Variants in DACH1 observed in about 807,000 individuals in gnomAD.
The protein encoded by DACH1 is dachshund homolog 1.
In DACH1, 12 loss-of-function variants were observed where a neutral mutation model predicts 54.2. The observed-to-expected ratio is 0.22, with a 90% CI of 0.14 to 0.36. DACH1 has a LOEUF of 0.36. Ranked by LOEUF, DACH1 falls within the 10% of genes least tolerant of loss-of-function variation. DACH1 has a pLI of 1.00. For synonymous variants in DACH1, 386 were observed against 366.2 expected (o/e 1.05, Z -0.62); for missense variants, 805 against 929.8 (o/e 0.87, Z 1.75).
chr13:71,602,472 G>A (rs1409072611), intron 3 of DACH1, among the ~76,000 whole-genome samples: 8 of 151,768 alleles, frequency 5.3e-5, no homozygotes, highest in African/African-American at 1.5e-4. Context: ...TTTGCCTTCT[G>A]TTTCTCTAAT....
intron 1 of DACH1, among the ~76,000 whole-genome samples, chr13:71,852,991 C>T (rs1408774653): frequency 6.6e-6 from 1 of 152,128 alleles, no homozygotes; most frequent in Non-Finnish European, 1.5e-5. Context: ...ATACATATTT[C>T]CAAATGCATT....
rs371435851 is a variant in DACH1, at chr13:71,531,692, T to C, written c.1570+25332A>G. ...TACACATCTGTGGAGATGACATTAC[T>C]GGGAAATAGAAGTAAGATTTTTAAG... is the stretch of plus-strand genomic sequence containing the variant. On this transcript the variant is annotated intron_variant, in intron 6 of 10. Coordinates refer to ENST00000613252, the MANE Select transcript of DACH1 (RefSeq NM_080759.6). Among the ~76,000 whole-genome samples, 183 of 152,048 alleles carry C rather than the reference T, an allele frequency of 1.2e-3. 1 individual carries two copies. Among genetic ancestry groups the C allele is most frequent in the African/African-American group, 4.3e-3 (178 of 41,542 alleles).
At chr13:71,799,637 C>A (rs1887208016) in intron 1 of DACH1, among the ~76,000 whole-genome samples, 1 of 152,026 alleles carries the variant, frequency 6.6e-6, no homozygotes, top group African/African-American at 2.4e-5. Context: ...TCATTCGGCA[C>A]CCTGACTGGC....
At chr13:71,791,321 T>C (rs1299155415) in intron 1 of DACH1, among the ~76,000 whole-genome samples, 1 of 152,146 alleles carries the variant, frequency 6.6e-6, no homozygotes, top group Non-Finnish European at 1.5e-5. Flanking sequence ...ATTATTTTCT[T>C]GATAATTTAT....
intron 1 of DACH1, among the ~76,000 whole-genome samples, chr13:71,787,430 T>C (rs1027168641): frequency 5.3e-5 from 8 of 152,166 alleles, no homozygotes; most frequent in African/African-American, 1.9e-4. Flanking sequence ...GTTACACATA[T>C]TCCTTCTCTT....
At chr13:71,775,140 T>C (rs1886013071) in intron 1 of DACH1, among the ~76,000 whole-genome samples, 2 of 134,832 alleles carry the variant, frequency 1.5e-5, no homozygotes, top group African/African-American at 5.7e-5. Flanking sequence ...TTTTTTTTTT[T>C]TTTTTTTTTT....
chr13:71,628,571 TG>T (rs1296761918), intron 3 of DACH1, among the ~76,000 whole-genome samples: 1 of 152,078 alleles, frequency 6.6e-6, no homozygotes, highest in Admixed American at 6.6e-5. Flanking sequence ...TGGCGTTGGA[TG>T]GGGGGTGTCA....
At chr13:71,484,974 A>G (rs1218744765) in intron 7 of DACH1, among the ~76,000 whole-genome samples, 6 of 152,042 alleles carry the variant, frequency 3.9e-5, no homozygotes, top group Non-Finnish European at 7.4e-5. Flanking sequence ...AGGCAGGAGA[A>G]TCACTTGAGA....
At chr13:71,678,817 A>G (rs1880722133) in intron 2 of DACH1, among the ~76,000 whole-genome samples, 1 of 151,978 alleles carries the variant, frequency 6.6e-6, no homozygotes, top group Non-Finnish European at 1.5e-5. Flanking sequence ...GCCACCACAC[A>G]CAGCCAAATT....
chr13:71,464,464 C>A, intron 10 of DACH1: 1 of 313,564 alleles, frequency 3.2e-6, no homozygotes, highest in Non-Finnish European at 6.2e-6. Flanking sequence ...CAAACTTGTG[C>A]AATTTTTATT....
chr13:71,491,198 T>C (rs1359124519), intron 6 of DACH1, among the ~76,000 whole-genome samples: 1 of 152,172 alleles, frequency 6.6e-6, no homozygotes, highest in Admixed American at 6.6e-5. Context: ...ATGTGCTGGA[T>C]ACTGGAGATC....
chr13:71,786,085 A>G (rs2138079720), intron 1 of DACH1, among the ~76,000 whole-genome samples: 1 of 152,314 alleles, frequency 6.6e-6, no homozygotes, highest in East Asian at 1.9e-4. Context: ...AAAGGCGGGT[A>G]GAGAGCCCAA....
chr13:71,614,762 G>A (rs1362145354), intron 3 of DACH1, among the ~76,000 whole-genome samples: 1 of 150,626 alleles, frequency 6.6e-6, no homozygotes, highest in Non-Finnish European at 1.5e-5. Flanking sequence ...GCTAAGGCAG[G>A]AGGATTACTT....
Position 71,830,365 on chromosome 13 carries a change from G to A in DACH1, c.848+35557C>T, listed in dbSNP as rs566745353. On this transcript the variant is annotated intron_variant, in intron 1 of 10. Transcript: ENST00000613252. ...CAGAGCTTTTGTTCTTTCAGCCAAC[G>A]GAAGTTGTAGAAGTCACAAATGTTT... 7.5e-4 allele frequency among the ~76,000 whole-genome samples: 114 copies of A among 151,908 alleles called. 1 individual carries two copies. Among genetic ancestry groups the A allele is most frequent in the Middle Eastern group, 3.4e-3 (1 of 294 alleles).
chr13:71,522,719 A>T (rs1340852497), intron 6 of DACH1, among the ~76,000 whole-genome samples: 2 of 152,112 alleles, frequency 1.3e-5, no homozygotes, highest in Non-Finnish European at 2.9e-5. Context: ...TATAACATTC[A>T]GGAATGACAG....
intron 3 of DACH1, among the ~76,000 whole-genome samples, chr13:71,612,447 A>G (rs1169278166): frequency 6.6e-6 from 1 of 152,128 alleles, no homozygotes. Context: ...CTAGAACTCA[A>G]ATTTCTAGAT....
chr13:71,842,733 A>G (rs1872963551), intron 1 of DACH1, among the ~76,000 whole-genome samples: 1 of 137,030 alleles, frequency 7.3e-6, no homozygotes, highest in Non-Finnish European at 1.5e-5. Context: ...AAAAAAAAAG[A>G]AGATATTTAA....
intron 1 of DACH1, among the ~76,000 whole-genome samples, chr13:71,819,640 T>A (rs1438906103): frequency 6.6e-6 from 1 of 152,132 alleles, no homozygotes. Flanking sequence ...ATGTACACAT[T>A]CCATTCTCCA....
At chr13:71,495,897 T>C (rs1879367778) in intron 6 of DACH1, among the ~76,000 whole-genome samples, 1 of 151,974 alleles carries the variant, frequency 6.6e-6, no homozygotes, top group Non-Finnish European at 1.5e-5. Flanking sequence ...GGCAAAAATA[T>C]AAAATCAACC....
Sources: gnomAD v4.1 joint callset for allele counts (sites outside exome capture counted in the v4.1 genomes callset) on GRCh38, gnomAD v4.1.1 for gene constraint, MANE v1.5 for transcripts, NCBI Gene and HGNC (gene_info 2026-07-23, HGNC 2026-07-21) for gene names.